CSMD1: variants seen among roughly 807,000 people sequenced by gnomAD.
CSMD1 encodes the protein CUB and sushi domain-containing protein 1.
Under a neutral mutation model 417.5 loss-of-function variants are expected in CSMD1, and 213 were observed. The ratio of observed to expected loss-of-function variants is 0.51; its 90% CI spans 0.46 to 0.57. The LOEUF is 0.57. CSMD1 is among the 20% of genes least tolerant of loss of function. The probability of loss-of-function intolerance (pLI) is 0.00; values close to 1 mark genes in which losing one functional copy is unlikely to be tolerated. For missense variants in CSMD1, 6,923 were observed against 4,529.7 expected (o/e 1.53, Z -15.17); for synonymous variants, 2,862 against 1,736.8 (o/e 1.65, Z -16.11).
intron 3 of CSMD1, among the ~76,000 whole-genome samples, chr8:4,402,589 C>A (rs984880896): frequency 1.3e-5 from 2 of 152,150 alleles, no homozygotes; most frequent in Admixed American, 6.5e-5. Flanking sequence ...ATAGAAGATG[C>A]TTTGAATATT....
chr8:3,143,151 TTTTTTG>T (rs1818608027), intron 40 of CSMD1, among the ~76,000 whole-genome samples: 1 of 152,148 alleles, frequency 6.6e-6, no homozygotes, highest in Admixed American at 6.5e-5. Context: ...CCACAGAGTT[TTTTTTG>T]TTTTTATTTT....
intron 7 of CSMD1, among the ~76,000 whole-genome samples, chr8:3,641,469 C>A (rs1024705735): frequency 4.6e-5 from 7 of 152,120 alleles, no homozygotes; most frequent in Admixed American, 3.9e-4. Flanking sequence ...TGGTTTTTAG[C>A]TGAAAGAACA....
intron 1 of CSMD1, among the ~76,000 whole-genome samples, chr8:4,700,816 G>A (rs928804953): frequency 1.3e-5 from 2 of 152,060 alleles, no homozygotes; most frequent in Non-Finnish European, 2.9e-5. Flanking sequence ...ACGGATTAGA[G>A]CATGAAAAAA....
chr8:4,360,194 G>A (rs1229974332), intron 3 of CSMD1, among the ~76,000 whole-genome samples: 1 of 152,096 alleles, frequency 6.6e-6, no homozygotes, highest in African/African-American at 2.4e-5. Context: ...TAAACGCGTG[G>A]CATTTGTCAC....
intron 10 of CSMD1, among the ~76,000 whole-genome samples, chr8:3,499,553 T>A (rs1481011271): frequency 6.6e-6 from 1 of 152,082 alleles, no homozygotes; most frequent in Non-Finnish European, 1.5e-5. Flanking sequence ...GTCCTTGGTC[T>A]CCTGCAAGAG....
At position 3,754,060 on chromosome 8, in the gene CSMD1, GA is replaced by G. The variant is rs140950734; in HGVS notation, c.819-19del. The G allele has an allele frequency of 0.01, 16,041 of 1,552,192 alleles. 1,482 individuals are homozygous for G. The African/African-American group carries it at 0.19, about 19-fold the overall frequency. ...CAGTTAGCCTAGAGAAGAGAAAGAG[GA>G]AAAAAATCTCCCTTGTAAACCAACA... On this transcript the variant is annotated intron_variant, in intron 5 of 69. Transcript: ENST00000635120.
chr8:3,465,417 G>A (rs530744859), intron 12 of CSMD1, among the ~76,000 whole-genome samples: 15 of 152,268 alleles, frequency 9.9e-5, no homozygotes, highest in Admixed American at 3.3e-4. Context: ...GGGAATGATG[G>A]AGGCCACAGG....
rs139736031 is a variant in CSMD1, at chr8:3,900,738, C to G, written c.818+97165G>C. On this transcript the variant is annotated intron_variant, in intron 5 of 69. Coordinates refer to ENST00000635120, the MANE Select transcript of CSMD1 (RefSeq NM_033225.6). ...TGTAGCTGGGTGACACTATAGCTAG[C>G]TGCCACCGCAACTGGGTGACAGTAC... Among the ~76,000 whole-genome samples the G allele has an allele frequency of 7.4e-3, 1,105 of 149,520 alleles. 14 individuals carry two copies. Among genetic ancestry groups the G allele is most frequent in the African/African-American group, 0.026 (1,047 of 40,566 alleles).
chr8:4,249,899 T>C (rs1802950628), intron 3 of CSMD1, among the ~76,000 whole-genome samples: 1 of 152,166 alleles, frequency 6.6e-6, no homozygotes, highest in Non-Finnish European at 1.5e-5. Flanking sequence ...GAGGCAGTGC[T>C]AGAAGCTGGG....
intron 1 of CSMD1, among the ~76,000 whole-genome samples, chr8:4,905,980 C>T (rs1007414527): frequency 1.3e-5 from 2 of 152,082 alleles, no homozygotes; most frequent in Non-Finnish European, 2.9e-5. Flanking sequence ...CAAATACTTT[C>T]GGCAACACCA....
chr8:3,953,701 G>C (rs1811736835), intron 5 of CSMD1, among the ~76,000 whole-genome samples: 1 of 152,054 alleles, frequency 6.6e-6, no homozygotes, highest in African/African-American at 2.4e-5. Context: ...GTGAGGGGTG[G>C]ATAGGCACGG....
chr8:3,726,813 T>G (rs959983796), intron 6 of CSMD1, among the ~76,000 whole-genome samples: 1 of 152,220 alleles, frequency 6.6e-6, no homozygotes, highest in Non-Finnish European at 1.5e-5. Flanking sequence ...AAATATCTAA[T>G]GTTTTAATAA....
At chr8:4,027,783 G>A (rs10088946) in intron 4 of CSMD1, among the ~76,000 whole-genome samples, 56,274 of 151,956 alleles carry the variant, frequency 0.37, 10,837 homozygotes, top group African/African-American at 0.49. Context: ...ACATAGTAAA[G>A]GCAGAAATGG....
chr8:3,594,341 G>C (rs925530099), intron 8 of CSMD1, among the ~76,000 whole-genome samples: 3 of 152,038 alleles, frequency 2.0e-5, no homozygotes, highest in African/African-American at 7.2e-5. Flanking sequence ...TTTGCCTTTA[G>C]TAAAAAGATA....
intron 3 of CSMD1, among the ~76,000 whole-genome samples, chr8:4,107,533 G>A (rs1341659000): frequency 1.3e-5 from 2 of 152,176 alleles, no homozygotes; most frequent in African/African-American, 4.8e-5. Flanking sequence ...TGATATCTGG[G>A]CTAATTTTTA....
chr8:3,341,027 A>T (rs531469941), intron 23 of CSMD1, among the ~76,000 whole-genome samples: 2 of 152,212 alleles, frequency 1.3e-5, no homozygotes, highest in African/African-American at 4.8e-5. Flanking sequence ...AAGTGCCCAC[A>T]AACAGATGAA....
chr8:3,346,077 G>C (rs1170692892), intron 22 of CSMD1, among the ~76,000 whole-genome samples: 1 of 152,094 alleles, frequency 6.6e-6, no homozygotes, highest in Admixed American at 6.5e-5. Context: ...TGAAAATTAA[G>C]ATAATTTTAC....
intron 1 of CSMD1, among the ~76,000 whole-genome samples, chr8:4,723,274 C>G (rs935537581): frequency 6.6e-6 from 1 of 152,150 alleles, no homozygotes; most frequent in African/African-American, 2.4e-5. Flanking sequence ...ACTTCATTCC[C>G]ACTGGCTAAC....
intron 3 of CSMD1, among the ~76,000 whole-genome samples, chr8:4,337,818 A>C (rs554174349): frequency 1.3e-5 from 2 of 152,298 alleles, no homozygotes; most frequent in East Asian, 1.9e-4. Flanking sequence ...AGTAGAATAA[A>C]TCAGGTAATT....
Sources: gnomAD v4.1 joint callset for allele counts (sites outside exome capture counted in the v4.1 genomes callset) on GRCh38, gnomAD v4.1.1 for gene constraint, MANE v1.5 for transcripts, NCBI Gene and HGNC (gene_info 2026-07-23, HGNC 2026-07-21) for gene names.